IQCH: variants seen among roughly 807,000 people sequenced by gnomAD.
IQCH encodes the protein IQ motif containing H.
IQCH carries 98 observed loss-of-function variants against 117.0 expected under a neutral mutation model. The ratio of observed to expected loss-of-function variants is 0.84; its 90% confidence interval spans 0.71 to 0.99. The LOEUF (loss-of-function observed/expected upper bound fraction) is 0.99. Ranked by LOEUF, IQCH falls within the 50% of genes least tolerant of loss-of-function variation. The pLI, the probability that IQCH is intolerant of heterozygous loss-of-function variation, is 0.00. For missense variants in IQCH, 1,102 were observed against 1,243.8 expected (o/e 0.89, Z 1.72); for synonymous variants, 412 against 448.2 (o/e 0.92, Z 1.02).
intron 2 of IQCH, among the ~76,000 whole-genome samples, chr15:67,262,754 A>G (rs1300151175): frequency 6.6e-6 from 1 of 152,106 alleles, no homozygotes; most frequent in Non-Finnish European, 1.5e-5. Context: ...GTGTGGTGGC[A>G]TGTGCCTGTG....
At position 67,422,804 on chromosome 15, in the gene IQCH, A is replaced by G. The variant is rs2081781568; in HGVS notation, c.2505+1227A>G. 6.6e-6 allele frequency among the ~76,000 whole-genome samples: 1 copy of G among 152,160 alleles called. No individual in the cohort carries two copies. The highest frequency in any genetic ancestry group is 2.1e-4 in the South Asian group (1 of 4,824). ...AAGTATAATGTTAAAGTTCACTACT[A>G]TTTCACAGGACTCGTGTTTTAAAAT... is the stretch of plus-strand genomic sequence containing the variant. On this transcript the variant is annotated intron_variant, in intron 16 of 20. Transcript: ENST00000335894. The surrounding 1 kb of genome is among the most constrained non-coding windows in gnomAD (Gnocchi z 4.7).
Position 67,260,387 on chromosome 15 carries a change from G to A in IQCH, c.52-885G>A, listed in dbSNP as rs531572559. Among the ~76,000 whole-genome samples the A allele has an allele frequency of 2.2e-4, 33 of 152,248 alleles. 1 individual carries two copies. The South Asian group carries it at 6.2e-3, about 29-fold the overall frequency. On this transcript the variant is annotated intron_variant, in intron 1 of 20. Transcript: ENST00000335894. Reference sequence around the variant, plus strand: ...GAAAAATGTTAAAGTAATAATATATGTTCCTTTTTCTTCAGGGATTATTTT... The same window carrying A: ...GAAAAATGTTAAAGTAATAATATATATTCCTTTTTCTTCAGGGATTATTTT...
At chr15:67,423,687 G>A (rs938581548) in intron 16 of IQCH, among the ~76,000 whole-genome samples, 8 of 151,598 alleles carry the variant, frequency 5.3e-5, no homozygotes, top group Non-Finnish European at 1.2e-4. Context: ...TGGATTGCTT[G>A]AGGTCAGGAG....
Position 67,384,992 on chromosome 15 carries a change from C to T in IQCH, c.1429C>T (p.Gln477Ter), listed in dbSNP as rs372368357. The change falls in exon 11 of 21, where the codon CAG becomes TAG. Residue 477 changes from glutamine (Q) to a stop codon, truncating the protein, a stop_gained. Coordinates refer to ENST00000335894, the MANE Select transcript of IQCH (RefSeq NM_001031715.3). LOFTEE classifies it high-confidence loss of function. This position sits in a 1 kb window ranked among gnomAD's most constrained non-coding sequence, Gnocchi z 4.3. ...IADFNTQQNM[Q>*]LGRLCDILDA... ...CGATTTCAACACACAGCAGAACATG[C>T]AGCTGGGGAGGCTGTGTGACATCTT... 10 of 1,611,024 alleles carry T rather than the reference C, an allele frequency of 6.2e-6. No homozygotes were observed. The highest frequency in any genetic ancestry group is 8.5e-6 in the Non-Finnish European group (10 of 1,177,652).
At chr15:67,419,793 G>T (rs557913157) in intron 15 of IQCH, among the ~76,000 whole-genome samples, 1 of 152,228 alleles carries the variant, frequency 6.6e-6, no homozygotes, top group East Asian at 1.9e-4. Context: ...TTTCAGAGGA[G>T]GAATTAATTG....
intron 15 of IQCH, among the ~76,000 whole-genome samples, chr15:67,418,426 T>C (rs1205557297): frequency 6.6e-6 from 1 of 151,720 alleles, no homozygotes; most frequent in Non-Finnish European, 1.5e-5. Flanking sequence ...TAAAATTTTG[T>C]GATTCTGTAA....
chr15:67,321,042 T>C (rs1968093814), intron 4 of IQCH, among the ~76,000 whole-genome samples: 1 of 152,312 alleles, frequency 6.6e-6, no homozygotes, highest in East Asian at 1.9e-4. Flanking sequence ...GAACACACTT[T>C]AGGAAATTTT....
intron 9 of IQCH, 110 bp downstream of exon 9, chr15:67,372,772 C>T (rs766884884): frequency 3.3e-6 from 3 of 912,444 alleles, no homozygotes; most frequent in Non-Finnish European, 3.3e-6. Context: ...AACTACTCTC[C>T]TTGCCTCAGA....
Position 67,427,846 on chromosome 15 carries a change from T to G in IQCH, c.2505+6269T>G, listed in dbSNP as rs1264313798. 1.3e-5 allele frequency among the ~76,000 whole-genome samples: 2 copies of G among 150,404 alleles called. No individual in the cohort carries two copies. Among genetic ancestry groups the G allele is most frequent in the Non-Finnish European group, 3.0e-5 (2 of 67,764 alleles). The stretch of plus-strand genomic sequence containing the variant: ...AATAATAGATTTTTTTTTTTTTTTT[T>G]GAAGCAGAATCTCCCTGTGTTGCCC... On this transcript the variant is annotated intron_variant, in intron 16 of 20. Transcript: ENST00000335894. This position sits in a 1 kb window ranked among gnomAD's most constrained non-coding sequence, Gnocchi z 4.7.
intron 14 of IQCH, among the ~76,000 whole-genome samples, chr15:67,415,646 G>A (rs1171577450): frequency 6.6e-6 from 1 of 152,098 alleles, no homozygotes; most frequent in Non-Finnish European, 1.5e-5. Context: ...CTTTTTAATG[G>A]TAGGGAAATT....
rs759492575 is a variant in IQCH, at chr15:67,400,177, A to G, written c.1969A>G (p.Met657Val). The G allele has an allele frequency of 2.5e-6, 4 of 1,613,926 alleles. No homozygotes were observed. Among genetic ancestry groups the G allele is most frequent in the Non-Finnish European group, 3.4e-6 (4 of 1,179,884 alleles). The change falls in exon 14 of 21, where the codon ATG becomes GTG. Residue 657 changes from methionine to valine, a missense_variant. This residue lies in a region of IQCH where 650 missense variants were observed against 794.3 expected (regional missense o/e 0.82). Coordinates refer to ENST00000335894, the MANE Select transcript of IQCH (RefSeq NM_001031715.3). ...GCAAATACAGCGTTGGCTCTTTAAA[A>G]TGGACTCTGAGTTCCGAGGAAATGG... Reference protein sequence around the residue: ...HLQIQRWLFKMDSEFRGNGTA... With the variant: ...HLQIQRWLFKVDSEFRGNGTA...
At chr15:67,334,247 A>C (rs1968793227) in intron 4 of IQCH, among the ~76,000 whole-genome samples, 1 of 152,166 alleles carries the variant, frequency 6.6e-6, no homozygotes, top group Admixed American at 6.5e-5. Flanking sequence ...AAAACATGAC[A>C]AAAAGAAGAA....
At chr15:67,327,808 G>A (rs1187009861) in intron 4 of IQCH, among the ~76,000 whole-genome samples, 1 of 152,190 alleles carries the variant, frequency 6.6e-6, no homozygotes, top group Non-Finnish European at 1.5e-5. Context: ...ATGGAGCTCA[G>A]AGGTCAGCCA....
At position 67,372,649 on chromosome 15, in the gene IQCH, G is replaced by A. The variant is rs762400888; in HGVS notation, c.1292G>A (p.Arg431His). ...ESRQRHLENF[R>H]IRAKHLAANW... Reference sequence around the variant, plus strand: ...CGTCAGAGACACCTGGAGAATTTTCGCATTCGAGCCAAGGTGCACAAGGCT... The same window carrying A: ...CGTCAGAGACACCTGGAGAATTTTCACATTCGAGCCAAGGTGCACAAGGCT... Residue 431 changes from arginine (R) to histidine (H), a missense_variant, in exon 9 of 21, where the codon CGC becomes CAC. Around this residue, in one of 2 missense-constraint regions of IQCH, gnomAD observed 650 missense variants for 794.3 expected, o/e 0.82. Transcript: ENST00000335894. 1.0e-5 allele frequency: 16 copies of A among 1,603,388 alleles called. No homozygotes were observed. The highest frequency in any genetic ancestry group is 1.3e-5 in the Non-Finnish European group (15 of 1,174,362).
At chr15:67,373,105 C>A (rs1970609206) in intron 9 of IQCH, among the ~76,000 whole-genome samples, 1 of 152,084 alleles carries the variant, frequency 6.6e-6, no homozygotes, top group Non-Finnish European at 1.5e-5. Context: ...TTAATTAGTG[C>A]TCACAATTTC....
In IQCH at chr15:67,417,865, G is replaced by A. The variant is rs926387293; in HGVS notation, c.2218+814G>A. Among the ~76,000 whole-genome samples the A allele has an allele frequency of 1.3e-5, 2 of 152,148 alleles. No homozygotes were observed. Among genetic ancestry groups the A allele is most frequent in the Admixed American group, 6.5e-5 (1 of 15,270 alleles). ...CCAGAGAAGGTATCTTTCCACTGCT[G>A]TCAAGTGATAATAATAATCTCAGCA... On this transcript the variant is annotated intron_variant, in intron 15 of 20. Coordinates refer to ENST00000335894, the MANE Select transcript of IQCH (RefSeq NM_001031715.3). This position sits in a 1 kb window ranked among gnomAD's most constrained non-coding sequence, Gnocchi z 4.3.
rs1158443903 is a variant in IQCH at position 67,403,637 on chromosome 15, G to A, written c.2097+3332G>A. The A allele has an allele frequency of 1.3e-5, 2 of 152,128 alleles. No homozygotes were observed. The highest frequency in any genetic ancestry group is 1.3e-4 in the Admixed American group (2 of 15,260). The allele number at this position is 152,128 out of a possible 1,614,324, so 9.4% of individuals were successfully genotyped here. ...CCAAACTCCACGTTCCCCAGTCGGG[G>A]GTATTTATTTTCATTTAGGAGGAAT... On this transcript the variant is annotated intron_variant, in intron 14 of 20. Coordinates refer to ENST00000335894, the MANE Select transcript of IQCH (RefSeq NM_001031715.3). This position sits in a 1 kb window ranked among gnomAD's most constrained non-coding sequence, Gnocchi z 4.8.
At chr15:67,477,044 C>CTTTTTTTTTTTTTTTTTTTTTTT (rs71455553) in intron 18 of IQCH, among the ~76,000 whole-genome samples, 1 of 71,176 alleles carries the variant, frequency 1.4e-5, no homozygotes, top group African/African-American at 5.8e-5. Context: ...TCTTTTTCTT[C>CTTTTTTTTTTTTTTTTTTTTTTT]TTTTTTTTTT....
At chr15:67,255,260 T>C in intron 1 of IQCH, 1 of 415,280 alleles carries the variant, frequency 2.4e-6, no homozygotes, top group Non-Finnish European at 4.4e-6. Flanking sequence ...AATGTTATAT[T>C]CTGAAAAATT....
Sources: allele counts gnomAD v4.1 joint callset (sites outside exome capture counted in the v4.1 genomes callset), GRCh38; gene constraint gnomAD v4.1.1; regional missense constraint gnomAD v4.1.1; non-coding constraint Gnocchi (gnomAD v3.1); transcripts MANE v1.5; gene names NCBI Gene and HGNC (gene_info 2026-07-23, HGNC 2026-07-21).